KMT2C: variants seen among roughly 807,000 people sequenced by gnomAD.
The protein encoded by KMT2C is lysine methyltransferase 2C.
KMT2C carries 88 observed loss-of-function variants against 507.9 expected under a neutral mutation model. That is an observed-to-expected ratio of 0.17 (90% CI 0.15 to 0.21). The LOEUF (loss-of-function observed/expected upper bound fraction) is 0.21, where lower values mean the gene tolerates loss of function less well. Among genes scored for constraint, KMT2C ranks in the 10% least tolerant of loss-of-function variants. The probability of loss-of-function intolerance (pLI) is 1.00; values close to 1 mark genes in which losing one functional copy is unlikely to be tolerated. For missense variants in KMT2C, 4,954 were observed against 5,957.8 expected (o/e 0.83, Z 5.55); for synonymous variants, 2,049 against 2,080.8 (o/e 0.98, Z 0.42).
intron 2 of KMT2C, among the ~76,000 whole-genome samples, chr7:152,350,447 C>G (rs1049667097): frequency 1.3e-5 from 2 of 152,092 alleles, no homozygotes; most frequent in African/African-American, 4.8e-5. Context: ...GATGGTATAG[C>G]CTACTAAAAA....
intron 1 of KMT2C, among the ~76,000 whole-genome samples, chr7:152,390,889 G>A (rs2097488118): frequency 6.6e-6 from 1 of 152,142 alleles, no homozygotes; most frequent in African/African-American, 2.4e-5. Flanking sequence ...GCTCACGCCT[G>A]TAATCCCAGC....
chr7:152,219,130 C>A lies in KMT2C; in HGVS notation c.3712+1393G>T, dbSNP rs532559257. On this transcript the variant is annotated intron_variant, in intron 23 of 58. Coordinates refer to ENST00000262189, the MANE Select transcript of KMT2C (RefSeq NM_170606.3). Reference sequence around the variant, plus strand: ...GATTACAGGTGCATGCCACTGAGCCCGGCTAATTTTTGTATTTTTAGCAGA... The same window carrying A: ...GATTACAGGTGCATGCCACTGAGCCAGGCTAATTTTTGTATTTTTAGCAGA... 6.6e-5 allele frequency among the ~76,000 whole-genome samples: 10 copies of A among 152,084 alleles called. No individual in the cohort carries two copies. The South Asian group carries it at 2.1e-3, about 32-fold the overall frequency.
intron 1 of KMT2C, among the ~76,000 whole-genome samples, chr7:152,422,166 G>A (rs2097781071): frequency 6.6e-6 from 1 of 151,920 alleles, no homozygotes; most frequent in Non-Finnish European, 1.5e-5. Flanking sequence ...GAGGCTTAGG[G>A]CTGGGCGCAG....
chr7:152,384,582 C>CATCACCACT (rs2097405505), intron 1 of KMT2C, among the ~76,000 whole-genome samples: 1 of 143,812 alleles, frequency 7.0e-6, no homozygotes, highest in Admixed American at 7.0e-5. Flanking sequence ...CCACCACCAC[C>CATCACCACT]ACCACCACCA....
chr7:152,307,208 AG>A (rs1259811871), intron 6 of KMT2C, among the ~76,000 whole-genome samples: 1,179 of 116,156 alleles, frequency 0.01, 18 homozygotes, highest in Non-Finnish European at 0.015. Flanking sequence ...GAAGGAAGGA[AG>A]GAAGGAAGGA....
intron 37 of KMT2C, among the ~76,000 whole-genome samples, chr7:152,178,338 T>C (rs2093301336): frequency 6.6e-6 from 1 of 152,122 alleles, no homozygotes; most frequent in Admixed American, 6.5e-5. Flanking sequence ...TACTGGACTT[T>C]TTCAGGAAGA....
intron 6 of KMT2C, among the ~76,000 whole-genome samples, chr7:152,300,321 G>C (rs1210574479): frequency 6.6e-6 from 1 of 152,154 alleles, no homozygotes. Flanking sequence ...TTCCCTAACT[G>C]GTAATCATGG....
intron 53 of KMT2C, among the ~76,000 whole-genome samples, chr7:152,146,369 T>C (rs541773051): frequency 6.6e-6 from 1 of 152,318 alleles, no homozygotes; most frequent in Admixed American, 6.5e-5. Flanking sequence ...CCTGCTTGCC[T>C]CCAGCCTGGA....
At chr7:152,317,979 A>T (rs1018212335) in intron 3 of KMT2C, among the ~76,000 whole-genome samples, 1 of 152,028 alleles carries the variant, frequency 6.6e-6, no homozygotes, top group African/African-American at 2.4e-5. Flanking sequence ...CTCTACTAAA[A>T]ATACAAAAAT....
rs2129115389 is a variant in KMT2C at position 152,177,783 on chromosome 7, G to A, written c.7670C>T (p.Ala2557Val). 1 of 1,613,970 alleles carries A rather than the reference G, an allele frequency of 6.2e-7. No individual in the cohort carries two copies. Among genetic ancestry groups the A allele is most frequent in the Non-Finnish European group, 8.5e-7 (1 of 1,179,996 alleles). Reference sequence around the variant, plus strand: ...AGCCCTATGTCTCAGTTCAATATATGCTTGGCCCAGTATGTTGTGCTGCTG... The same window carrying A: ...AGCCCTATGTCTCAGTTCAATATATACTTGGCCCAGTATGTTGTGCTGCTG... The part of the protein sequence containing the change: ...PVQQHNILGQ[A>V]YIELRHRAPD... Residue 2557 changes from alanine to valine, a missense_variant, in exon 38 of 59, where the codon GCA becomes GTA. This residue lies in a region of KMT2C where 1,689 missense variants were observed against 1,654.3 expected (regional missense o/e 1.02). Transcript: ENST00000262189.
intron 31 of KMT2C, among the ~76,000 whole-genome samples, chr7:152,192,854 G>A (rs1331241946): frequency 6.6e-6 from 1 of 152,110 alleles, no homozygotes; most frequent in East Asian, 1.9e-4. Context: ...AGGATAGAGA[G>A]AGATGTTCCT....
Position 152,154,079 on chromosome 7 carries a change from A to G in KMT2C, c.12207T>C (p.Gly4069=). Residue 4069 remains glycine (G), a synonymous_variant, in exon 48 of 59, where the codon GGT becomes GGC. Transcript: ENST00000262189. ...CTGATCTGGGACCATTTGGGGAAGG[A>G]CCAAAAGGTGACGCAAAATATAAAG... ...PGTLYFASPF[G]PSPNGPRSGL... 1 of 1,613,724 alleles carries G rather than the reference A, an allele frequency of 6.2e-7. No homozygotes were observed. The highest frequency in any genetic ancestry group is 1.7e-5 in the Admixed American group (1 of 60,026).
chr7:152,292,929 G>A (rs1368610899), intron 6 of KMT2C, among the ~76,000 whole-genome samples: 1 of 151,966 alleles, frequency 6.6e-6, no homozygotes, highest in Non-Finnish European at 1.5e-5. Context: ...CACTCTTCTA[G>A]TTTTCTGATC....
intron 7 of KMT2C, among the ~76,000 whole-genome samples, chr7:152,268,063 TGAG>T (rs1268659344): frequency 6.6e-6 from 1 of 152,172 alleles, no homozygotes; most frequent in Non-Finnish European, 1.5e-5. Flanking sequence ...ATGGATCACT[TGAG>T]GTCAGGAGCT....
At chr7:152,179,367 A>C (rs1485479067) in intron 37 of KMT2C, among the ~76,000 whole-genome samples, 3 of 152,234 alleles carry the variant, frequency 2.0e-5, no homozygotes, top group Non-Finnish European at 4.4e-5. Flanking sequence ...ACATCGTAGG[A>C]GGCTTTGCCT....
Position 152,328,598 on chromosome 7 carries a change from G to C in KMT2C, c.389+2003C>G, listed in dbSNP as rs558188809. Among the ~76,000 whole-genome samples, 3 of 152,304 alleles carry C rather than the reference G, an allele frequency of 2.0e-5. No homozygotes were observed. In the South Asian group the frequency reaches 6.2e-4, roughly 32 times the overall value. ...TATAATAGTCATGAAAGAGAGTGGA[G>C]AGTGGGGACCTGATTATCATTATTA... On this transcript the variant is annotated intron_variant, in intron 3 of 58. Coordinates refer to ENST00000262189, the MANE Select transcript of KMT2C (RefSeq NM_170606.3).
chr7:152,137,022 C>G, intron 58 of KMT2C, 98 bp from the exon 59 acceptor site: 1 of 904,750 alleles, frequency 1.1e-6, no homozygotes, highest in South Asian at 1.4e-5. Flanking sequence ...GCAAACGAAA[C>G]AGACGTAAAT....
chr7:152,147,724 A>AAAAAG (rs2091271645), intron 52 of KMT2C, among the ~76,000 whole-genome samples: 1 of 130,582 alleles, frequency 7.7e-6, no homozygotes, highest in African/African-American at 3.2e-5. Flanking sequence ...AAAAAAAAAA[A>AAAAAG]AAAAGAAAAA....
chr7:152,339,817 T>C (rs1373643415), intron 2 of KMT2C, among the ~76,000 whole-genome samples: 1 of 152,018 alleles, frequency 6.6e-6, no homozygotes, highest in Non-Finnish European at 1.5e-5. Context: ...TATTATATAA[T>C]ATAAAGCAAG....
Sources: allele counts gnomAD v4.1 joint callset (sites outside exome capture counted in the v4.1 genomes callset), GRCh38; gene constraint gnomAD v4.1.1; regional missense constraint gnomAD v4.1.1; transcripts MANE v1.5; gene names NCBI Gene and HGNC (gene_info 2026-07-23, HGNC 2026-07-21).